Variants in JHY observed in about 807,000 individuals in gnomAD.
JHY encodes the protein jhy protein homolog.
JHY carries 69 observed loss-of-function variants against 78.0 expected under a neutral mutation model. The observed-to-expected ratio is 0.88, with a 90% confidence interval of 0.73 to 1.08. The LOEUF is 1.08. Among genes scored for constraint, JHY ranks in the 50% least tolerant of loss-of-function variants. The pLI, the probability that JHY is intolerant of heterozygous loss-of-function variation, is 0.00. For synonymous variants in JHY, 368 were observed against 342.6 expected (o/e 1.07, Z -0.82); for missense variants, 944 against 927.8 (o/e 1.02, Z -0.23).
In JHY at chr11:122,926,456, T is replaced by A. The variant is rs182545295; in HGVS notation, c.978+1446T>A. ...GGTTAGAAAGAAGGGACAGCCCGAA[T>A]CATCTCTTTTCCTCTCCAGTGGACT... is the stretch of plus-strand genomic sequence containing the variant. On this transcript the variant is annotated intron_variant, in intron 4 of 8. Coordinates refer to ENST00000227349, the MANE Select transcript of JHY (RefSeq NM_024806.4). 2.1e-3 allele frequency among the ~76,000 whole-genome samples: 309 copies of A among 144,460 alleles called. 1 individual carries two copies. The highest frequency in any genetic ancestry group is 3.9e-3 in the Non-Finnish European group (245 of 63,314). 94.8% of individuals were successfully genotyped at this position (144,460 alleles called of 152,430 possible). A position where few individuals can be genotyped will look rare whatever the true frequency, so the allele number is the denominator to read the frequency against.
chr11:122,951,477 A>G (rs1864081947), intron 6 of JHY, among the ~76,000 whole-genome samples: 1 of 152,170 alleles, frequency 6.6e-6, no homozygotes, highest in Admixed American at 6.5e-5. Context: ...GCAACTGCAG[A>G]GCAAATTTCC....
chr11:122,938,121 T>C (rs1348384889), intron 5 of JHY, among the ~76,000 whole-genome samples: 1 of 152,180 alleles, frequency 6.6e-6, no homozygotes, highest in Non-Finnish European at 1.5e-5. Context: ...AGGTCTGTTT[T>C]CATAGATTGA....
At chr11:122,931,069 A>C (rs4128283) in intron 4 of JHY, among the ~76,000 whole-genome samples, 35,944 of 152,002 alleles carry the variant, frequency 0.24, 4,736 homozygotes, top group Middle Eastern at 0.32. Context: ...ATCAATCCCA[A>C]GAAGGAGGGC....
intron 3 of JHY, among the ~76,000 whole-genome samples, chr11:122,920,319 T>A (rs1444056430): frequency 6.6e-6 from 1 of 152,222 alleles, no homozygotes; most frequent in African/African-American, 2.4e-5. Context: ...CTATTTAATT[T>A]GGATATGTGC....
In JHY at chr11:122,959,598, C is replaced by A; in HGVS notation, c.*153C>A. On this transcript the variant is annotated 3_prime_UTR_variant, in exon 9 of 9. Transcript: ENST00000227349. ...TTTCTGCAGGATTTAAAATATGAGG[C>A]CCAATTGGATTATGGTGCCATATTT... The A allele has an allele frequency of 5.7e-6, 4 of 706,142 alleles. No individual in the cohort carries two copies. The highest frequency in any genetic ancestry group is 6.8e-6 in the Non-Finnish European group (3 of 440,846). 43.7% of individuals were successfully genotyped at this position (706,142 alleles called of 1,614,324 possible).
rs1251800720 is a variant in JHY at position 122,886,208 on chromosome 11, T to C, written c.344+15T>C. The stretch of plus-strand genomic sequence containing the variant: ...GCCAATAACAGGTAAGGAATTGGCT[T>C]GTGTAAGATAATAATGGGCTCTAAA... On this transcript the variant is annotated intron_variant, in intron 2 of 8. Coordinates refer to ENST00000227349, the MANE Select transcript of JHY (RefSeq NM_024806.4). 6.3e-7 allele frequency: 1 copy of C among 1,586,994 alleles called. No individual in the cohort carries two copies. The highest frequency in any genetic ancestry group is 2.2e-5 in the East Asian group (1 of 44,620).
intron 1 of JHY, among the ~76,000 whole-genome samples, 157 bp from the exon 2 acceptor site, chr11:122,885,604 G>A (rs778293306): frequency 6.6e-6 from 1 of 152,098 alleles, no homozygotes; most frequent in Non-Finnish European, 1.5e-5. Context: ...AAAAACAATT[G>A]TTTTTCTAAT....
At chr11:122,888,846 T>C (rs942524345) in intron 2 of JHY, among the ~76,000 whole-genome samples, 25 of 152,232 alleles carry the variant, frequency 1.6e-4, no homozygotes, top group African/African-American at 5.8e-4. Flanking sequence ...TTTTGTTCAG[T>C]CAACATTATG....
intron 2 of JHY, among the ~76,000 whole-genome samples, chr11:122,889,868 C>G (rs769432021): frequency 2.0e-5 from 3 of 152,070 alleles, no homozygotes; most frequent in Non-Finnish European, 4.4e-5. Flanking sequence ...AAATGATTCT[C>G]GTGCTTCAGC....
intron 6 of JHY, among the ~76,000 whole-genome samples, chr11:122,948,579 G>A (rs748965194): frequency 1.3e-5 from 2 of 151,636 alleles, no homozygotes; most frequent in Admixed American, 6.6e-5. Context: ...GAAGGCAGAC[G>A]TGTAAATGCT....
At chr11:122,888,956 T>C (rs1310561844) in intron 2 of JHY, among the ~76,000 whole-genome samples, 9 of 152,228 alleles carry the variant, frequency 5.9e-5, no homozygotes, top group African/African-American at 9.7e-5. Flanking sequence ...TTTCAGACAA[T>C]GCTCTGTGCA....
In JHY at chr11:122,904,343, T is replaced by C; in HGVS notation, c.763T>C (p.Phe255Leu). The C allele has an allele frequency of 6.2e-7, 1 of 1,613,886 alleles. No individual in the cohort carries two copies. The highest frequency in any genetic ancestry group is 8.5e-7 in the Non-Finnish European group (1 of 1,179,976). ...TCGGCGAAGGAAATCCAAACAACAT[T>C]TTGTGGAAAAAAACAAGCTCACTTT... ...GPRRRKSKQHFVEKNKLTLGL... is the reference protein window; with the variant it reads ...GPRRRKSKQHLVEKNKLTLGL... Residue 255 changes from phenylalanine to leucine, a missense_variant, in exon 3 of 9, where the codon TTT becomes CTT. Physicochemically the swap from Phe to Leu is conservative, Grantham distance 22. Transcript: ENST00000227349.
intron 2 of JHY, among the ~76,000 whole-genome samples, chr11:122,891,905 T>C (rs1862622915): frequency 6.6e-6 from 1 of 152,220 alleles, no homozygotes; most frequent in Admixed American, 6.5e-5. Flanking sequence ...GAGGATTCTA[T>C]TTCACTATCC....
At chr11:122,941,014 G>A (rs746177391) in intron 5 of JHY, among the ~76,000 whole-genome samples, 1 of 152,102 alleles carries the variant, frequency 6.6e-6, no homozygotes, top group African/African-American at 2.4e-5. Context: ...GGGTCCTTTT[G>A]ATGTAACATC....
At chr11:122,914,827 G>A (rs748919186) in intron 3 of JHY, among the ~76,000 whole-genome samples, 5 of 152,048 alleles carry the variant, frequency 3.3e-5, no homozygotes, top group South Asian at 2.1e-4. Context: ...GATGTTCATC[G>A]ATTGATACAT....
chr11:122,928,940 G>A (rs987405016), intron 4 of JHY, among the ~76,000 whole-genome samples: 25 of 151,932 alleles, frequency 1.6e-4, no homozygotes, highest in African/African-American at 5.3e-4. Flanking sequence ...GAGCCAACAC[G>A]CCTGGCCCAT....
intron 3 of JHY, among the ~76,000 whole-genome samples, chr11:122,916,731 C>T (rs939398830): frequency 6.6e-5 from 10 of 152,232 alleles, no homozygotes; most frequent in African/African-American, 2.4e-4. Context: ...CCTCCACCTC[C>T]CAGGTTCAAG....
intron 2 of JHY, among the ~76,000 whole-genome samples, chr11:122,888,512 G>A (rs1322314047): frequency 6.6e-6 from 1 of 151,972 alleles, no homozygotes; most frequent in Non-Finnish European, 1.5e-5. Flanking sequence ...GTGCTTGGAG[G>A]ATGTCCTTGT....
chr11:122,961,107 A>T lies in JHY; in HGVS notation c.*1662A>T, dbSNP rs1447458517. On this transcript the variant is annotated 3_prime_UTR_variant, in exon 9 of 9. Coordinates refer to ENST00000227349, the MANE Select transcript of JHY (RefSeq NM_024806.4). ...TATGTAAATGTATCTATCCCAATTG[A>T]GAGAGCCAGAAACAGTTGACTGACT... 1 of 985,500 alleles carries T rather than the reference A, an allele frequency of 1.0e-6. No individual in the cohort carries two copies. Among genetic ancestry groups the T allele is most frequent in the Non-Finnish European group, 1.6e-6 (1 of 636,780 alleles). 61.0% of individuals were successfully genotyped at this position (985,500 alleles called of 1,614,324 possible). A position where few individuals can be genotyped will look rare whatever the true frequency, so the allele number is the denominator to read the frequency against.
Sources: gnomAD v4.1 joint callset for allele counts (sites outside exome capture counted in the v4.1 genomes callset) on GRCh38, gnomAD v4.1.1 for gene constraint, MANE v1.5 for transcripts, NCBI Gene and HGNC (gene_info 2026-07-23, HGNC 2026-07-21) for gene names.